The following PUS7 variants were observed in gnomAD, a reference collection of about 807,000 sequenced individuals.
PUS7 encodes pseudouridylate synthase 7 homolog.
A neutral mutation model predicts 79.8 loss-of-function variants in PUS7; 48 were observed. That is an observed-to-expected ratio of 0.60 (90% CI 0.48 to 0.76). The LOEUF (loss-of-function observed/expected upper bound fraction) is 0.76, where lower values mean the gene tolerates loss of function less well. Among genes scored for constraint, PUS7 ranks in the 30% least tolerant of loss-of-function variants. The pLI, the probability that PUS7 is intolerant of heterozygous loss-of-function variation, is 0.00. For synonymous variants in PUS7, 286 were observed against 272.2 expected, an observed-to-expected ratio of 1.05 and a Z score of -0.50; for missense variants, 729 against 797.6, an observed-to-expected ratio of 0.91 and a Z score of 1.04.
intron 8 of PUS7, among the ~76,000 whole-genome samples, chr7:105,482,074 T>C (rs2133131722): frequency 6.6e-6 from 1 of 152,278 alleles, no homozygotes; most frequent in Admixed American, 6.5e-5. Flanking sequence ...ATGGTGTCTT[T>C]CCAAAGGCTG....
chr7:105,472,655 T>C lies in PUS7; in HGVS notation c.1176-462A>G, dbSNP rs184235190. Among the ~76,000 whole-genome samples the C allele has an allele frequency of 1.7e-4, 26 of 152,304 alleles. No individual in the cohort carries two copies. The East Asian group carries it at 3.7e-3, about 21-fold the overall frequency. ...AAAAAGAATAAAATGGAAAACATAA[T>C]GCTTACCCGTAACATTTACTATCAT... On this transcript the variant is annotated intron_variant, in intron 9 of 15. Transcript: ENST00000469408.
At chr7:105,458,239 G>A (rs976126222) in intron 15 of PUS7, among the ~76,000 whole-genome samples, 1 of 152,112 alleles carries the variant, frequency 6.6e-6, no homozygotes, top group African/African-American at 2.4e-5. Flanking sequence ...AGAATTTGAT[G>A]ATGAGAATGC....
At chr7:105,484,163 T>C (rs922528868) in intron 7 of PUS7, among the ~76,000 whole-genome samples, 1 of 152,180 alleles carries the variant, frequency 6.6e-6, no homozygotes, top group African/African-American at 2.4e-5. Context: ...TAATTAGTCA[T>C]CAGTGGGGAA....
rs999977394 is a variant in PUS7 at position 105,515,534 on chromosome 7, T to C, written c.-33+6518A>G. 3.3e-5 allele frequency among the ~76,000 whole-genome samples: 5 copies of C among 152,218 alleles called. No individual in the cohort carries two copies. In the East Asian group the frequency reaches 9.6e-4, roughly 29 times the overall value. On this transcript the variant is annotated intron_variant, in intron 1 of 15. Coordinates refer to ENST00000469408, the MANE Select transcript of PUS7 (RefSeq NM_019042.5). ...CATTTGTCTGATCTCTTTTTCTTGA[T>C]ATATCTAACTGAAAAGACAAGAATA... is the stretch of plus-strand genomic sequence containing the variant.
intron 5 of PUS7, 23 bp from the exon 6 acceptor site, chr7:105,495,276 T>C (rs377053594): frequency 5.4e-6 from 7 of 1,289,080 alleles, no homozygotes; most frequent in Non-Finnish European, 7.9e-6. Context: ...AGAATTAACA[T>C]TATATATACC....
intron 13 of PUS7, among the ~76,000 whole-genome samples, chr7:105,464,279 A>T (rs1823550607): frequency 1.3e-5 from 2 of 152,230 alleles, no homozygotes. Context: ...CTAGTAAAAC[A>T]TGATTTATTT....
intron 1 of PUS7, among the ~76,000 whole-genome samples, chr7:105,518,526 C>G (rs538114550): frequency 2.6e-4 from 39 of 151,792 alleles, no homozygotes; most frequent in African/African-American, 8.7e-4. Flanking sequence ...TTCAGCCACC[C>G]GAGTAACTGG....
chr7:105,492,241 T>G (rs1384212199), intron 6 of PUS7, among the ~76,000 whole-genome samples: 1 of 151,908 alleles, frequency 6.6e-6, no homozygotes, highest in Non-Finnish European at 1.5e-5. Context: ...GAACAGCCAC[T>G]GCACACTACA....
At chr7:105,467,020 T>C (rs1823669601) in intron 12 of PUS7, among the ~76,000 whole-genome samples, 1 of 141,942 alleles carries the variant, frequency 7.0e-6, no homozygotes. Context: ...GAACTCTGAA[T>C]CCCAGTTTTT....
intron 13 of PUS7, among the ~76,000 whole-genome samples, chr7:105,463,156 T>C (rs567875792): frequency 2.0e-5 from 3 of 152,284 alleles, no homozygotes; most frequent in Non-Finnish European, 2.9e-5. Context: ...ATAAGAGACC[T>C]TGGAAAACCA....
chr7:105,483,648 A>C (rs557217866), intron 7 of PUS7, among the ~76,000 whole-genome samples: 1 of 149,592 alleles, frequency 6.7e-6, no homozygotes, highest in Non-Finnish European at 1.5e-5. Context: ...ACATGCCACC[A>C]CACCTGGCTA....
Position 105,470,711 on chromosome 7 carries a change from T to A in PUS7, c.1375A>T (p.Asn459Tyr). ...LRGLSKYGMK[N>Y]IVSAFGIIPR... ...ACTATGCCAAATGCAGAGACTATAT[T>A]CTTCATTCCATATTTTGAAAGTCCT... The change falls in exon 11 of 16, where the codon AAT becomes TAT. Residue 459 changes from asparagine (N) to tyrosine (Y), a missense_variant. By Grantham distance (143) the Asn-to-Tyr change is moderately radical. Transcript: ENST00000469408. 1 of 1,607,734 alleles carries A rather than the reference T, an allele frequency of 6.2e-7. No individual in the cohort carries two copies. Among genetic ancestry groups the A allele is most frequent in the South Asian group, 1.1e-5 (1 of 90,644 alleles).
chr7:105,475,375 TGG>T (rs957631316), intron 9 of PUS7, among the ~76,000 whole-genome samples: 7 of 151,844 alleles, frequency 4.6e-5, no homozygotes, highest in African/African-American at 1.5e-4. Flanking sequence ...TTAGTAGAGA[TGG>T]GGTTTCACTG....
intron 12 of PUS7, among the ~76,000 whole-genome samples, chr7:105,466,284 G>T (rs2133056445): frequency 6.6e-6 from 1 of 152,132 alleles, no homozygotes. Flanking sequence ...TTGAGACAGG[G>T]TCTTGCTCTG....
At chr7:105,490,367 CTAA>C (rs1172306368) in intron 7 of PUS7, among the ~76,000 whole-genome samples, 1 of 152,120 alleles carries the variant, frequency 6.6e-6, no homozygotes, top group Non-Finnish European at 1.5e-5. Context: ...TGGAGGTATA[CTAA>C]TAAGACAGCC....
At chr7:105,516,599 G>A (rs556655865) in intron 1 of PUS7, among the ~76,000 whole-genome samples, 1 of 151,972 alleles carries the variant, frequency 6.6e-6, no homozygotes, top group East Asian at 1.9e-4. Flanking sequence ...AATTACAGAC[G>A]CCCGCTACCA....
chr7:105,506,905 T>C (rs943395433), intron 2 of PUS7, among the ~76,000 whole-genome samples: 3 of 152,178 alleles, frequency 2.0e-5, no homozygotes, highest in African/African-American at 4.8e-5. Context: ...AAATATGCTA[T>C]ATGGTTAATT....
chr7:105,484,734 C>T (rs1824475120), intron 7 of PUS7, among the ~76,000 whole-genome samples: 2 of 150,206 alleles, frequency 1.3e-5, no homozygotes, highest in Non-Finnish European at 3.0e-5. Context: ...AGGAGAATTG[C>T]TTGAGCCCGG....
intron 1 of PUS7, among the ~76,000 whole-genome samples, chr7:105,518,550 T>C (rs1825982434): frequency 6.6e-6 from 1 of 151,836 alleles, no homozygotes; most frequent in Non-Finnish European, 1.5e-5. Flanking sequence ...TACAGGCATG[T>C]GCCACCATGC....
Sources: allele counts gnomAD v4.1 joint callset (sites outside exome capture counted in the v4.1 genomes callset), GRCh38; gene constraint gnomAD v4.1.1; transcripts MANE v1.5; gene names NCBI Gene and HGNC (gene_info 2026-07-23, HGNC 2026-07-21).